DGKI: variants seen among roughly 807,000 people sequenced by gnomAD.
DGKI encodes the protein diacylglycerol kinase iota.
Under a neutral mutation model 147.5 loss-of-function variants are expected in DGKI, and 55 were observed. The observed-to-expected ratio is 0.37, with a 90% CI of 0.30 to 0.47. DGKI has a LOEUF of 0.47. Ranked by LOEUF, DGKI falls within the 20% of genes least tolerant of loss-of-function variation. The pLI, the probability that DGKI is intolerant of heterozygous loss-of-function variation, is 1.00. For synonymous variants in DGKI, 469 were observed against 477.1 expected (o/e 0.98, Z 0.22); for missense variants, 1,007 against 1,323.8 (o/e 0.76, Z 3.71).
chr7:137,800,756 T>C (rs1028940077), intron 1 of DGKI, among the ~76,000 whole-genome samples: 7 of 152,182 alleles, frequency 4.6e-5, no homozygotes, highest in African/African-American at 1.7e-4. Flanking sequence ...ATCTTGTTGA[T>C]ATTGAAGTCT....
chr7:137,751,246 C>A (rs1380921624), intron 1 of DGKI, among the ~76,000 whole-genome samples: 1 of 152,222 alleles, frequency 6.6e-6, no homozygotes, highest in South Asian at 2.1e-4. Flanking sequence ...AAATTTTCTA[C>A]ACATAGACTT....
chr7:137,461,898 A>G (rs551629526), intron 27 of DGKI, among the ~76,000 whole-genome samples: 7 of 152,224 alleles, frequency 4.6e-5, no homozygotes, highest in Admixed American at 4.6e-4. Flanking sequence ...ACAGACAGAA[A>G]GAGTTCATTT....
intron 12 of DGKI, among the ~76,000 whole-genome samples, chr7:137,593,062 G>A (rs989058630): frequency 7.2e-5 from 11 of 152,130 alleles, no homozygotes; most frequent in Non-Finnish European, 1.6e-4. Context: ...CAGGGCATGG[G>A]GATGTCTACC....
chr7:137,829,820 C>T lies in DGKI; in HGVS notation c.401+16642G>A, dbSNP rs1029841001. The stretch of plus-strand genomic sequence containing the variant: ...TCACTGAAAGAAAGTTCGCCAAAAC[C>T]TCTCAAATAGCTTAAGCCAGTTTTT... On this transcript the variant is annotated intron_variant, in intron 1 of 32. Transcript: ENST00000614521. Among the ~76,000 whole-genome samples the T allele has an allele frequency of 9.2e-5, 14 of 152,346 alleles. No homozygotes were observed. The East Asian group carries it at 2.7e-3, about 29-fold the overall frequency.
chr7:137,694,781 GCTGA>G (rs1340841513), intron 1 of DGKI, among the ~76,000 whole-genome samples: 2 of 152,036 alleles, frequency 1.3e-5, no homozygotes, highest in Non-Finnish European at 1.5e-5. Flanking sequence ...GTGCTTTTTG[GCTGA>G]CTTAGACAAG....
chr7:137,593,244 T>C (rs1259169611), intron 12 of DGKI, among the ~76,000 whole-genome samples: 1 of 152,118 alleles, frequency 6.6e-6, no homozygotes, highest in East Asian at 1.9e-4. Flanking sequence ...ATAGGGACCA[T>C]GGGTCACACA....
At chr7:137,769,656 T>C (rs1796124901) in intron 1 of DGKI, among the ~76,000 whole-genome samples, 1 of 151,188 alleles carries the variant, frequency 6.6e-6, no homozygotes, top group Non-Finnish European at 1.5e-5. Flanking sequence ...CATCAAAAAG[T>C]GGGCAAAGGA....
At chr7:137,800,371 C>T (rs1797160348) in intron 1 of DGKI, among the ~76,000 whole-genome samples, 1 of 152,018 alleles carries the variant, frequency 6.6e-6, no homozygotes, top group African/African-American at 2.4e-5. Flanking sequence ...TCCCTCATGG[C>T]TTGGTGCTGT....
At chr7:137,767,519 A>C (rs556224761) in intron 1 of DGKI, among the ~76,000 whole-genome samples, 1 of 149,938 alleles carries the variant, frequency 6.7e-6, no homozygotes, top group South Asian at 2.1e-4. Flanking sequence ...AGAGAAGAGA[A>C]GAGAAGAGAA....
At chr7:137,652,237 C>T (rs1169885588) in intron 5 of DGKI, among the ~76,000 whole-genome samples, 1 of 152,068 alleles carries the variant, frequency 6.6e-6, no homozygotes, top group Non-Finnish European at 1.5e-5. Flanking sequence ...GATAAGAAGA[C>T]AAGGGAGAAT....
chr7:137,774,498 C>T (rs1796304067), intron 1 of DGKI: 1 of 152,180 alleles, frequency 6.6e-6, no homozygotes, highest in South Asian at 2.1e-4. Context: ...AAAGTCGCAT[C>T]CGCTATTCTC....
intron 1 of DGKI, among the ~76,000 whole-genome samples, chr7:137,719,971 A>G (rs1402020329): frequency 2.6e-5 from 4 of 152,200 alleles, no homozygotes; most frequent in African/African-American, 9.6e-5. Flanking sequence ...AAACAGCATG[A>G]TTACGTGCAG....
intron 1 of DGKI, among the ~76,000 whole-genome samples, chr7:137,829,540 G>T (rs1442673816): frequency 1.3e-5 from 2 of 152,190 alleles, no homozygotes; most frequent in Non-Finnish European, 2.9e-5. Context: ...TGTCCAGCAG[G>T]ACAGCTACTA....
intron 1 of DGKI, among the ~76,000 whole-genome samples, chr7:137,838,284 C>A (rs1052622413): frequency 6.6e-6 from 1 of 152,012 alleles, no homozygotes; most frequent in Non-Finnish European, 1.5e-5. Flanking sequence ...ATTACAGGCT[C>A]TTCCTTCAAA....
chr7:137,681,943 T>C (rs1377461476), intron 2 of DGKI, among the ~76,000 whole-genome samples: 1 of 152,240 alleles, frequency 6.6e-6, no homozygotes, highest in Non-Finnish European at 1.5e-5. Flanking sequence ...CAACCCCCAC[T>C]TAAAACTCTG....
intron 6 of DGKI, among the ~76,000 whole-genome samples, chr7:137,643,439 A>T (rs978764415): frequency 6.6e-6 from 1 of 152,172 alleles, no homozygotes; most frequent in Non-Finnish European, 1.5e-5. Flanking sequence ...TTTCCTGTCC[A>T]GGGTGGAAGC....
chr7:137,516,878 T>C (rs1401561309), intron 21 of DGKI, among the ~76,000 whole-genome samples: 2 of 152,116 alleles, frequency 1.3e-5, no homozygotes, highest in Non-Finnish European at 2.9e-5. Flanking sequence ...CTGATCATTT[T>C]GAAAGTGGGT....
intron 6 of DGKI, among the ~76,000 whole-genome samples, chr7:137,638,530 ACACATATAT>A: frequency 1.7e-5 from 2 of 115,250 alleles, no homozygotes; most frequent in Non-Finnish European, 3.5e-5. Context: ...ATATATACAC[ACACATATAT>A]GTATATATAT....
chr7:137,514,480 T>C (rs1816686823), intron 21 of DGKI, among the ~76,000 whole-genome samples: 2 of 152,196 alleles, frequency 1.3e-5, no homozygotes, highest in Admixed American at 1.3e-4. Flanking sequence ...TCTGAAACGC[T>C]GACAGCTAGA....
Sources: allele counts gnomAD v4.1 joint callset (sites outside exome capture counted in the v4.1 genomes callset), GRCh38; gene constraint gnomAD v4.1.1; transcripts MANE v1.5; gene names NCBI Gene and HGNC (gene_info 2026-07-23, HGNC 2026-07-21).